DAAM1: variants seen among roughly 807,000 people sequenced by gnomAD.
DAAM1 encodes disheveled-associated activator of morphogenesis 1.
A neutral mutation model predicts 130.0 loss-of-function variants in DAAM1; 52 were observed. That is an observed-to-expected ratio of 0.40 (90% CI 0.32 to 0.50). The LOEUF (loss-of-function observed/expected upper bound fraction) is 0.50, where lower values mean the gene tolerates loss of function less well. Ranked by LOEUF, DAAM1 falls within the 20% of genes least tolerant of loss-of-function variation. DAAM1 has a pLI of 0.61. For missense variants in DAAM1, 1,134 were observed against 1,303.8 expected, an observed-to-expected ratio of 0.87 and a Z score of 2.01; for synonymous variants, 452 against 444.5, an observed-to-expected ratio of 1.02 and a Z score of -0.21.
At chr14:59,261,904 T>G (rs972883486) in intron 1 of DAAM1, among the ~76,000 whole-genome samples, 10 of 152,200 alleles carry the variant, frequency 6.6e-5, no homozygotes, top group Admixed American at 2.6e-4. Flanking sequence ...GTTGACAAAC[T>G]TGACCCTAGT....
intron 1 of DAAM1, among the ~76,000 whole-genome samples, chr14:59,193,015 T>C (rs915067740): frequency 2.6e-5 from 4 of 152,214 alleles, no homozygotes; most frequent in African/African-American, 9.6e-5. Flanking sequence ...ATTGCGCCAC[T>C]GAACTCCAGC....
chr14:59,262,279 A>G (rs1882199019), intron 1 of DAAM1, among the ~76,000 whole-genome samples: 1 of 152,148 alleles, frequency 6.6e-6, no homozygotes, highest in African/African-American at 2.4e-5. Context: ...TTTTTGTATG[A>G]CGTTTTTAAA....
intron 1 of DAAM1, among the ~76,000 whole-genome samples, chr14:59,239,193 C>G (rs1889401378): frequency 6.6e-6 from 1 of 152,164 alleles, no homozygotes; most frequent in Admixed American, 6.5e-5. Flanking sequence ...AGGTAATATA[C>G]TATTATGCTG....
Position 59,355,260 on chromosome 14 carries a change from C to T in DAAM1, c.2452C>T (p.Gln818Ter), listed in dbSNP as rs1221877555. 6.2e-7 allele frequency: 1 copy of T among 1,614,014 alleles called. No homozygotes were observed. The highest frequency in any genetic ancestry group is 8.5e-7 in the Non-Finnish European group (1 of 1,179,986). The change falls in exon 20 of 25, where the codon CAA becomes TAA. Residue 818 changes from glutamine to a stop codon, truncating the protein, a stop_gained. Transcript: ENST00000360909. LOFTEE classifies it high-confidence loss of function. ...LAFGNYMNKGQRGNAYGFKIS... is the reference protein window; with the variant it reads ...LAFGNYMNKG Reference sequence around the variant, plus strand: ...ATTTGGAAATTATATGAATAAAGGTCAAAGAGGGAATGCATATGGATTCAA... The same window carrying T: ...ATTTGGAAATTATATGAATAAAGGTTAAAGAGGGAATGCATATGGATTCAA...
intron 16 of DAAM1, among the ~76,000 whole-genome samples, chr14:59,342,604 T>A (rs1885893089): frequency 6.6e-6 from 1 of 152,218 alleles, no homozygotes; most frequent in Non-Finnish European, 1.5e-5. Flanking sequence ...TTGGAGCATT[T>A]TTTTGCCCAG....
rs144495112 is a variant in DAAM1, at chr14:59,350,404, C to T, written c.2161-2122C>T. ...TCTGCACACATATACCACACATACA[C>T]ACCTACACACAGTGTGCATACACCC... On this transcript the variant is annotated intron_variant, in intron 17 of 24. Transcript: ENST00000360909. 3.4e-3 allele frequency among the ~76,000 whole-genome samples: 514 copies of T among 152,120 alleles called. 5 individuals are homozygous for T. The highest frequency in any genetic ancestry group is 0.012 in the African/African-American group (485 of 41,460).
intron 2 of DAAM1, among the ~76,000 whole-genome samples, chr14:59,267,851 A>T (rs1487796902): frequency 1.3e-5 from 2 of 149,926 alleles, no homozygotes; most frequent in African/African-American, 4.9e-5. Context: ...CCAGTACTTC[A>T]TTCCTTTTTC....
chr14:59,255,635 G>A (rs768627520), intron 1 of DAAM1, among the ~76,000 whole-genome samples: 1 of 152,210 alleles, frequency 6.6e-6, no homozygotes, highest in African/African-American at 2.4e-5. Flanking sequence ...AAACATGGGT[G>A]TGGCAACTAA....
At chr14:59,212,903 T>A (rs1040328108) in intron 1 of DAAM1, among the ~76,000 whole-genome samples, 4 of 152,314 alleles carry the variant, frequency 2.6e-5, no homozygotes, top group African/African-American at 9.6e-5. Flanking sequence ...TCTTTAACAC[T>A]TTAAATGAAT....
chr14:59,242,585 G>A (rs1055611050), intron 1 of DAAM1, among the ~76,000 whole-genome samples: 6 of 152,136 alleles, frequency 3.9e-5, no homozygotes, highest in African/African-American at 1.4e-4. Flanking sequence ...TTGAGACAGA[G>A]TCTCGCTCTA....
chr14:59,299,568 A>G (rs1258192052), intron 3 of DAAM1: 1 of 152,136 alleles, frequency 6.6e-6, no homozygotes, highest in Non-Finnish European at 1.5e-5. Context: ...AGTGATGTTG[A>G]TGTCTGGTTT....
intron 22 of DAAM1, among the ~76,000 whole-genome samples, chr14:59,362,019 CTTTT>C (rs35080349): frequency 8.2e-6 from 1 of 121,722 alleles, no homozygotes; most frequent in Non-Finnish European, 1.6e-5. Flanking sequence ...GGTTTTTTTC[CTTTT>C]TTTTTTTTTT....
chr14:59,324,885 G>A (rs1318915212), intron 8 of DAAM1, among the ~76,000 whole-genome samples: 1 of 152,186 alleles, frequency 6.6e-6, no homozygotes, highest in African/African-American at 2.4e-5. Context: ...TTCTGTGAAT[G>A]TTAATTTCCA....
chr14:59,360,496 A>G (rs1886664296), intron 21 of DAAM1: 1 of 211,814 alleles, frequency 4.7e-6, no homozygotes, highest in Admixed American at 5.8e-5. Context: ...ACATGAAGTA[A>G]TTTGCTGAAG....
intron 3 of DAAM1, among the ~76,000 whole-genome samples, chr14:59,308,116 T>G (rs1157438888): frequency 1.3e-5 from 2 of 152,216 alleles, no homozygotes; most frequent in Non-Finnish European, 2.9e-5. Flanking sequence ...AGAGACATTT[T>G]GGATAGAAAT....
intron 1 of DAAM1, among the ~76,000 whole-genome samples, chr14:59,254,088 C>T (rs1881763505): frequency 6.6e-6 from 1 of 152,192 alleles, no homozygotes; most frequent in Non-Finnish European, 1.5e-5. Context: ...AGATCTGAAG[C>T]CTTAAATACC....
chr14:59,303,796 AG>A (rs1236093101), intron 3 of DAAM1, among the ~76,000 whole-genome samples: 5 of 152,050 alleles, frequency 3.3e-5, no homozygotes, highest in African/African-American at 9.7e-5. Flanking sequence ...GCTACTCGAG[AG>A]GTTGAGGCAC....
At chr14:59,263,897 A>T in intron 2 of DAAM1, 1 of 556,270 alleles carries the variant, frequency 1.8e-6, no homozygotes, top group Non-Finnish European at 3.2e-6. Flanking sequence ...GGGTGGAGGG[A>T]TTTAGACCTT....
chr14:59,330,046 G>A (rs1209818911), intron 12 of DAAM1, among the ~76,000 whole-genome samples: 1 of 152,230 alleles, frequency 6.6e-6, no homozygotes, highest in Non-Finnish European at 1.5e-5. Context: ...CCTTCGGCTG[G>A]TTGGATGTGA....
Sources: gnomAD v4.1 joint callset for allele counts (sites outside exome capture counted in the v4.1 genomes callset) on GRCh38, gnomAD v4.1.1 for gene constraint, MANE v1.5 for transcripts, NCBI Gene and HGNC (gene_info 2026-07-23, HGNC 2026-07-21) for gene names.